FRMD4A: variants seen among roughly 807,000 people sequenced by gnomAD.
The protein encoded by FRMD4A is FERM domain-containing protein 4A.
FRMD4A carries 29 observed loss-of-function variants against 129.1 expected under a neutral mutation model. The observed-to-expected ratio is 0.22, with a 90% CI of 0.17 to 0.31. The LOEUF (loss-of-function observed/expected upper bound fraction) is 0.31, where lower values mean the gene tolerates loss of function less well. Among genes scored for constraint, FRMD4A ranks in the 10% least tolerant of loss-of-function variants. The pLI is 1.00. For missense variants in FRMD4A, 1,272 were observed against 1,375.8 expected (o/e 0.92, Z 1.19); for synonymous variants, 634 against 571.6 (o/e 1.11, Z -1.56).
At chr10:13,707,624 T>A in intron 12 of FRMD4A, 1 of 988,766 alleles carries the variant, frequency 1.0e-6, no homozygotes, top group Non-Finnish European at 1.2e-6. Flanking sequence ...CAGCCTCCCA[T>A]CGGGACTCCA....
chr10:13,954,493 G>A (rs561559050), intron 2 of FRMD4A, among the ~76,000 whole-genome samples: 7 of 152,228 alleles, frequency 4.6e-5, no homozygotes, highest in Middle Eastern at 3.4e-3. Flanking sequence ...ACCTCCCACC[G>A]GGTCTCTCTC....
intron 2 of FRMD4A, among the ~76,000 whole-genome samples, chr10:14,121,827 T>C (rs535852701): frequency 2.4e-4 from 37 of 152,296 alleles, no homozygotes; most frequent in African/African-American, 8.2e-4. Flanking sequence ...ACCTAGGCTT[T>C]CCCACCTACA....
At chr10:13,861,050 G>T (rs894183409) in intron 2 of FRMD4A, among the ~76,000 whole-genome samples, 8 of 152,206 alleles carry the variant, frequency 5.3e-5, no homozygotes, top group African/African-American at 1.7e-4. Flanking sequence ...TCTGCAAATG[G>T]AAGCAGGTGG....
At chr10:13,778,341 C>A (rs2092651172) in intron 6 of FRMD4A, among the ~76,000 whole-genome samples, 1 of 152,072 alleles carries the variant, frequency 6.6e-6, no homozygotes. Context: ...CTAAAAGTAC[C>A]TGGAACTGCA....
At chr10:14,209,377 A>G (rs1193391781) in intron 2 of FRMD4A, among the ~76,000 whole-genome samples, 2 of 152,144 alleles carry the variant, frequency 1.3e-5, no homozygotes, top group African/African-American at 4.8e-5. Context: ...AAATCTGTAC[A>G]TGTAGTTAAA....
chr10:13,992,952 CAAAAAAAAAAAAAA>C (rs10648349), intron 2 of FRMD4A, among the ~76,000 whole-genome samples: 2 of 65,986 alleles, frequency 3.0e-5, no homozygotes, highest in African/African-American at 7.1e-5. Context: ...GACTCTGTCT[CAAAAAAAAAAAAAA>C]AAAAAAAAAA....
intron 13 of FRMD4A, among the ~76,000 whole-genome samples, chr10:13,702,890 C>T (rs868474312): frequency 3.6e-4 from 51 of 140,214 alleles, no homozygotes; most frequent in African/African-American, 1.3e-3. Flanking sequence ...TTTTTTCTCC[C>T]TTCGGTTCCA....
At chr10:13,804,847 C>T (rs1204910216) in intron 4 of FRMD4A, among the ~76,000 whole-genome samples, 1 of 151,698 alleles carries the variant, frequency 6.6e-6, no homozygotes, top group Non-Finnish European at 1.5e-5. Flanking sequence ...TGTGAACCAC[C>T]GTGCTCAGCC....
intron 2 of FRMD4A, among the ~76,000 whole-genome samples, chr10:14,108,138 C>T (rs1489261571): frequency 4.6e-5 from 7 of 152,110 alleles, no homozygotes; most frequent in Non-Finnish European, 1.0e-4. Context: ...GCTTTTTTTC[C>T]CTCTGTAGAG....
At chr10:13,686,697 C>G (rs2085118459) in intron 15 of FRMD4A, among the ~76,000 whole-genome samples, 1 of 152,214 alleles carries the variant, frequency 6.6e-6, no homozygotes, top group South Asian at 2.1e-4. Flanking sequence ...CTGCAGATGA[C>G]TCAATGGCCA....
At chr10:13,965,071 T>C (rs905310197) in intron 2 of FRMD4A, among the ~76,000 whole-genome samples, 1 of 151,522 alleles carries the variant, frequency 6.6e-6, no homozygotes, top group Non-Finnish European at 1.5e-5. Flanking sequence ...GGGCATTTTT[T>C]TTTTTTTTTT....
At chr10:13,944,943 G>T (rs2095321090) in intron 2 of FRMD4A, among the ~76,000 whole-genome samples, 1 of 152,200 alleles carries the variant, frequency 6.6e-6, no homozygotes. Context: ...GGGGAGTTCA[G>T]TGTGATCAGG....
chr10:13,800,225 C>A (rs1341259620), intron 4 of FRMD4A, among the ~76,000 whole-genome samples: 3 of 152,032 alleles, frequency 2.0e-5, no homozygotes, highest in African/African-American at 7.2e-5. Context: ...TATCTCTCAA[C>A]GATCAGTTTT....
At chr10:14,316,762 C>A (rs1205906542) in intron 2 of FRMD4A, among the ~76,000 whole-genome samples, 1 of 152,164 alleles carries the variant, frequency 6.6e-6, no homozygotes, top group Non-Finnish European at 1.5e-5. Flanking sequence ...ACAAAGCTTA[C>A]AGATAAGAGC....
intron 2 of FRMD4A, among the ~76,000 whole-genome samples, chr10:14,125,764 C>T (rs1838803508): frequency 6.6e-6 from 1 of 152,170 alleles, no homozygotes; most frequent in Admixed American, 6.5e-5. Flanking sequence ...CGCACGCGCA[C>T]ACATACACGG....
At chr10:14,294,360 A>G (rs1283629010) in intron 2 of FRMD4A, among the ~76,000 whole-genome samples, 1 of 152,252 alleles carries the variant, frequency 6.6e-6, no homozygotes, top group Non-Finnish European at 1.5e-5. Context: ...ACTAATAAAA[A>G]AGAAACAGGT....
intron 2 of FRMD4A, among the ~76,000 whole-genome samples, chr10:13,890,194 A>G (rs1473134941): frequency 6.6e-6 from 1 of 152,232 alleles, no homozygotes; most frequent in African/African-American, 2.4e-5. Flanking sequence ...GCTTAATGCT[A>G]CGAATGGGCT....
intron 2 of FRMD4A, among the ~76,000 whole-genome samples, chr10:13,878,794 GAGA>G (rs1158798599): frequency 7.3e-6 from 1 of 137,250 alleles, no homozygotes; most frequent in African/African-American, 2.8e-5. Context: ...GAGAGAAAGA[GAGA>G]AGGAGAGAAA....
At chr10:13,796,158 G>GC (rs1338166350) in intron 5 of FRMD4A, among the ~76,000 whole-genome samples, 1 of 152,032 alleles carries the variant, frequency 6.6e-6, no homozygotes, top group Non-Finnish European at 1.5e-5. Context: ...GTTTCAAATT[G>GC]CCCCCAGAAA....
Sources: allele counts gnomAD v4.1 joint callset (sites outside exome capture counted in the v4.1 genomes callset), GRCh38; gene constraint gnomAD v4.1.1; transcripts MANE v1.5; gene names NCBI Gene and HGNC (gene_info 2026-07-23, HGNC 2026-07-21).